SLC36A4: variants seen among roughly 807,000 people sequenced by gnomAD.
The protein encoded by SLC36A4 is neutral amino acid uniporter 4.
A neutral mutation model predicts 50.5 loss-of-function variants in SLC36A4; 49 were observed. That is an observed-to-expected ratio of 0.97 (90% CI 0.77 to 1.23). The LOEUF is 1.23. Among genes scored for constraint, SLC36A4 ranks in the 50% most tolerant of loss-of-function variants. The probability of loss-of-function intolerance (pLI) is 0.00; values close to 1 mark genes in which losing one functional copy is unlikely to be tolerated. For missense variants in SLC36A4, 611 were observed against 608.4 expected (o/e 1.00, Z -0.05); for synonymous variants, 207 against 206.5 (o/e 1.00, Z -0.02).
Position 93,166,010 on chromosome 11 carries a change from G to A in SLC36A4, c.775C>T (p.Pro259Ser). Residue 259 changes from proline to serine, a missense_variant, in exon 8 of 11, where the codon CCA becomes TCA. Transcript: ENST00000326402. ...IIYQYVVRNMPDPHNLPIVAG... is the reference protein window; with the variant it reads ...IIYQYVVRNMSDPHNLPIVAG... Reference sequence around the variant, plus strand: ...ACTATTGGAAGGTTGTGGGGATCTGGCATGTTCTAAAGAAAGGAAGAAAAA... The same window carrying A: ...ACTATTGGAAGGTTGTGGGGATCTGACATGTTCTAAAGAAAGGAAGAAAAA... 1 of 1,603,346 alleles carries A rather than the reference G, an allele frequency of 6.2e-7. No individual in the cohort carries two copies. Among genetic ancestry groups the A allele is most frequent in the Non-Finnish European group, 8.5e-7 (1 of 1,174,452 alleles).
chr11:93,197,821 C>G lies in SLC36A4; in HGVS notation c.12G>C (p.Ala4=). 6.3e-7 allele frequency: 1 copy of G among 1,578,484 alleles called. No individual in the cohort carries two copies. The highest frequency in any genetic ancestry group is 8.5e-7 in the Non-Finnish European group (1 of 1,170,306). Residue 4 remains alanine, a synonymous_variant, in exon 1 of 11, where the codon GCG becomes GCC. Transcript: ENST00000326402. MEA[A]ATPAAAGAAR... ...CCGCCCCGGCAGCCGCCGGCGTCGCCGCCGCTTCCATCTCTCGCGGGTCTC... is the reference window on the plus strand; with the variant it reads ...CCGCCCCGGCAGCCGCCGGCGTCGCGGCCGCTTCCATCTCTCGCGGGTCTC...
intron 6 of SLC36A4, chr11:93,171,219 T>C (rs907927137): frequency 6.6e-6 from 1 of 152,100 alleles, no homozygotes; most frequent in Non-Finnish European, 1.5e-5. Context: ...TCACTTTTTC[T>C]ACCTGATCTT....
At chr11:93,165,165 GT>G (rs1176727319) in intron 8 of SLC36A4, among the ~76,000 whole-genome samples, 1 of 152,078 alleles carries the variant, frequency 6.6e-6, no homozygotes, top group East Asian at 1.9e-4. Flanking sequence ...GATCTATTTT[GT>G]CTGGGGTTAG....
At chr11:93,166,185 AG>A in intron 7 of SLC36A4, 169 bp from the exon 8 acceptor site, 1 of 1,319,876 alleles carries the variant, frequency 7.6e-7, no homozygotes, top group Non-Finnish European at 9.7e-7. Context: ...AATGTAGCCA[AG>A]CTGTTAGGAT....
At chr11:93,160,889 G>T in intron 9 of SLC36A4, 1 of 451,944 alleles carries the variant, frequency 2.2e-6, no homozygotes, top group Non-Finnish European at 2.9e-6. Context: ...TTCCCAGGCT[G>T]GAGTGCAGTG....
rs913791538 is a variant in SLC36A4 at position 93,144,855 on chromosome 11, T to C, written c.*3682A>G. The C allele has an allele frequency of 8.5e-5, 13 of 152,082 alleles. No individual in the cohort carries two copies. Among genetic ancestry groups the C allele is most frequent in the African/African-American group, 3.1e-4 (13 of 41,456 alleles). The allele number at this position is 152,082 out of a possible 1,614,324, so 9.4% of individuals were successfully genotyped here. A position where few individuals can be genotyped will look rare whatever the true frequency, so the allele number is the denominator to read the frequency against. On this transcript the variant is annotated 3_prime_UTR_variant, in exon 11 of 11. Coordinates refer to ENST00000326402, the MANE Select transcript of SLC36A4 (RefSeq NM_152313.4). ...GAGCCAAAAAGATCAGACTCATTTT[T>C]TAAAAAGTCATTATTGTATATTATC...
chr11:93,169,286 G>T (rs1181235383), intron 6 of SLC36A4, among the ~76,000 whole-genome samples: 1 of 152,090 alleles, frequency 6.6e-6, no homozygotes, highest in Non-Finnish European at 1.5e-5. Flanking sequence ...GAGGCTTAGA[G>T]AAATATTTTT....
intron 6 of SLC36A4, among the ~76,000 whole-genome samples, chr11:93,177,278 T>C (rs1861522592): frequency 6.6e-6 from 1 of 152,222 alleles, no homozygotes; most frequent in African/African-American, 2.4e-5. Flanking sequence ...GTAGTTCCCA[T>C]GCCATGGTTT....
At chr11:93,184,960 T>A (rs915496184) in intron 2 of SLC36A4, among the ~76,000 whole-genome samples, 15 of 152,150 alleles carry the variant, frequency 9.9e-5, no homozygotes. Context: ...ACCATGATAC[T>A]AAACACATTT....
intron 9 of SLC36A4, among the ~76,000 whole-genome samples, chr11:93,157,999 T>C (rs1723313544): frequency 1.3e-5 from 2 of 152,176 alleles, no homozygotes; most frequent in Admixed American, 6.5e-5. Flanking sequence ...TGCTATAACA[T>C]ATTTATCATA....
chr11:93,193,623 T>C (rs969665871), intron 1 of SLC36A4, among the ~76,000 whole-genome samples: 1 of 152,138 alleles, frequency 6.6e-6, no homozygotes, highest in African/African-American at 2.4e-5. Context: ...TAGTACACCA[T>C]AGGGATACAT....
At chr11:93,188,249 G>A (rs1862073891) in intron 1 of SLC36A4, among the ~76,000 whole-genome samples, 2 of 152,222 alleles carry the variant, frequency 1.3e-5, no homozygotes, top group African/African-American at 2.4e-5. Context: ...AGGGGAGGAT[G>A]TGTTGAGAGA....
chr11:93,194,774 A>T (rs1862351856), intron 1 of SLC36A4, among the ~76,000 whole-genome samples: 1 of 152,152 alleles, frequency 6.6e-6, no homozygotes, highest in Admixed American at 6.5e-5. Flanking sequence ...TTTAAATACT[A>T]TCTATATGCT....
chr11:93,174,842 T>C (rs375521321), intron 6 of SLC36A4, among the ~76,000 whole-genome samples: 17 of 95,052 alleles, frequency 1.8e-4, no homozygotes, highest in African/African-American at 5.1e-4. Context: ...CTGCTGGATT[T>C]GGTTTGCCAG....
At chr11:93,163,801 T>C (rs1410308896) in intron 8 of SLC36A4, among the ~76,000 whole-genome samples, 3 of 152,008 alleles carry the variant, frequency 2.0e-5, no homozygotes, top group African/African-American at 7.2e-5. Flanking sequence ...TATGTATGTA[T>C]GTATATTAGC....
chr11:93,193,909 C>T (rs77153834), intron 1 of SLC36A4, among the ~76,000 whole-genome samples: 5 of 152,076 alleles, frequency 3.3e-5, no homozygotes, highest in African/African-American at 4.8e-5. Context: ...ACATTACTGA[C>T]GTTGAAAATT....
At chr11:93,169,471 G>A (rs555244781) in intron 6 of SLC36A4, among the ~76,000 whole-genome samples, 72 of 152,140 alleles carry the variant, frequency 4.7e-4, no homozygotes, top group Non-Finnish European at 4.4e-4. Flanking sequence ...TAATTAAGAG[G>A]CCAACAAATC....
At position 93,148,494 on chromosome 11, in the gene SLC36A4, T is replaced by C; in HGVS notation, c.*43A>G. 1 of 1,536,646 alleles carries C rather than the reference T, an allele frequency of 6.5e-7. No individual in the cohort carries two copies. Among genetic ancestry groups the C allele is most frequent in the Non-Finnish European group, 8.8e-7 (1 of 1,133,008 alleles). On this transcript the variant is annotated 3_prime_UTR_variant, in exon 11 of 11. Coordinates refer to ENST00000326402, the MANE Select transcript of SLC36A4 (RefSeq NM_152313.4). ...ATTTTACTAGTTATCTTGATAATTTTCAGAAATGGGACAAAAATAGAAGAC... is the reference window on the plus strand; with the variant it reads ...ATTTTACTAGTTATCTTGATAATTTCCAGAAATGGGACAAAAATAGAAGAC...
At chr11:93,196,429 C>T (rs974473031) in intron 1 of SLC36A4, among the ~76,000 whole-genome samples, 1 of 152,058 alleles carries the variant, frequency 6.6e-6, no homozygotes, top group Admixed American at 6.6e-5. Context: ...TGCAGTGGCA[C>T]GATCTCGGCT....
Sources: gnomAD v4.1 joint callset for allele counts (sites outside exome capture counted in the v4.1 genomes callset) on GRCh38, gnomAD v4.1.1 for gene constraint, MANE v1.5 for transcripts, NCBI Gene and HGNC (gene_info 2026-07-23, HGNC 2026-07-21) for gene names.